Variants in FGF13 observed in about 807,000 individuals in gnomAD.
FGF13 encodes fibroblast growth factor 13.
Under a neutral mutation model 19.5 loss-of-function variants are expected in FGF13, and 2 were observed. That is an observed-to-expected ratio of 0.10 (90% CI 0.04 to 0.32). The LOEUF (loss-of-function observed/expected upper bound fraction) is 0.32, where lower values mean the gene tolerates loss of function less well. Ranked by LOEUF, FGF13 falls within the 10% of genes least tolerant of loss-of-function variation. FGF13 has a pLI of 1.00. For synonymous variants in FGF13, 72 were observed against 76.9 expected (o/e 0.94, Z 0.33); for missense variants, 113 against 192.7 (o/e 0.59, Z 2.45).
intron 3 of FGF13, among the ~76,000 whole-genome samples, chrX:138,775,133 A>G (rs764036435): frequency 1.9e-3 from 207 of 111,343 alleles, no homozygotes; most frequent in African/African-American, 6.5e-3. Context: ...TTATTTTTGT[A>G]TTTTTTATAG....
At chrX:138,841,677 T>C (rs1047295113) in intron 3 of FGF13, among the ~76,000 whole-genome samples, 1 of 111,127 alleles carries the variant, frequency 9.0e-6, no homozygotes, top group Non-Finnish European at 1.9e-5. Flanking sequence ...TTTGAAAAAA[T>C]AAATCAAAAT....
chrX:139,035,094 C>T (rs16993529), intron 1 of FGF13, among the ~76,000 whole-genome samples: 18,051 of 110,768 alleles, frequency 0.16, 1,291 homozygotes, highest in African/African-American at 0.28. Flanking sequence ...TATTGCCTCA[C>T]TTCAAAATCA....
At chrX:138,826,787 C>T (rs747163720) in intron 3 of FGF13, among the ~76,000 whole-genome samples, 1 of 112,500 alleles carries the variant, frequency 8.9e-6, no homozygotes, top group South Asian at 3.6e-4. Context: ...TCCCATTTAC[C>T]TCTTTATAAA....
chrX:138,915,776 A>C, intron 1 of FGF13, among the ~76,000 whole-genome samples: 1 of 111,825 alleles, frequency 8.9e-6, no homozygotes, highest in Middle Eastern at 4.6e-3. Context: ...AAACTACTTA[A>C]ACCTCTCCAT....
chrX:139,108,018 T>G (rs775936108), intron 1 of FGF13, among the ~76,000 whole-genome samples: 3 of 111,036 alleles, frequency 2.7e-5, no homozygotes, highest in African/African-American at 9.8e-5. Context: ...GAAGACCAAA[T>G]GAGATGATGG....
chrX:138,913,687 AG>A (rs2091603227), intron 1 of FGF13, among the ~76,000 whole-genome samples: 7 of 105,091 alleles, frequency 6.7e-5, no homozygotes, highest in African/African-American at 2.5e-4. Flanking sequence ...GAAGGAAGGA[AG>A]GAAGGAAGGA....
At chrX:138,851,289 G>A (rs909994527) in intron 3 of FGF13, among the ~76,000 whole-genome samples, 2 of 111,479 alleles carry the variant, frequency 1.8e-5, no homozygotes, top group Non-Finnish European at 3.8e-5. Flanking sequence ...GGTATTTCTG[G>A]TTCTAGGTCT....
chrX:139,014,011 T>C (rs952310852), intron 1 of FGF13, among the ~76,000 whole-genome samples: 1 of 111,138 alleles, frequency 9.0e-6, no homozygotes, highest in Non-Finnish European at 1.9e-5. Context: ...GAATGACCAG[T>C]AGGTTAATGA....
At chrX:138,744,145 A>C (rs1158043008), upstream of FGF13, among the ~76,000 whole-genome samples, 1 of 111,591 alleles carries the variant, frequency 9.0e-6, no homozygotes, top group Non-Finnish European at 1.9e-5. Flanking sequence ...CATTCCTGTC[A>C]ACCACTATGT....
chrX:138,869,338 G>A (rs1392494292), intron 1 of FGF13, among the ~76,000 whole-genome samples: 1 of 112,342 alleles, frequency 8.9e-6, no homozygotes, highest in Non-Finnish European at 1.9e-5. Context: ...GTATGTGTAT[G>A]ACATTTTGGC....
intron 1 of FGF13, among the ~76,000 whole-genome samples, chrX:139,090,628 C>G (rs776184839): frequency 2.6e-3 from 289 of 110,598 alleles, no homozygotes; most frequent in Non-Finnish European, 4.0e-3. Flanking sequence ...CCAGTGTGTG[C>G]TGTTAAACGT....
chrX:138,831,675 T>C (rs946019432), intron 3 of FGF13, among the ~76,000 whole-genome samples: 3 of 111,718 alleles, frequency 2.7e-5, no homozygotes, highest in Non-Finnish European at 5.6e-5. Flanking sequence ...CCATTTCTTT[T>C]TTTTTTTAAC....
chrX:138,729,302 T>C (rs973077272), intron 1 of FGF13, among the ~76,000 whole-genome samples: 5 of 111,052 alleles, frequency 4.5e-5, no homozygotes, highest in Non-Finnish European at 9.5e-5. Flanking sequence ...ATAAATGTAT[T>C]ATTTACATAT....
intron 1 of FGF13, among the ~76,000 whole-genome samples, chrX:139,158,120 C>G (rs5976291): frequency 0.12 from 13,168 of 111,278 alleles, 1,302 homozygotes; most frequent in African/African-American, 0.33. Flanking sequence ...CACAGACTAG[C>G]AGATTCTCTC....
intron 3 of FGF13, among the ~76,000 whole-genome samples, chrX:138,675,793 CT>C (rs991750116): frequency 9.1e-6 from 1 of 109,861 alleles, no homozygotes; most frequent in African/African-American, 3.3e-5. Flanking sequence ...CATTCTTCTG[CT>C]TTTTTTTTCT....
chrX:138,906,333 T>C (rs1360113660), intron 1 of FGF13, among the ~76,000 whole-genome samples: 1 of 112,231 alleles, frequency 8.9e-6, no homozygotes, highest in Non-Finnish European at 1.9e-5. Flanking sequence ...CTCTTGTCAT[T>C]TTTATTGGCA....
intron 3 of FGF13, among the ~76,000 whole-genome samples, chrX:138,771,756 G>A (rs974207968): frequency 1.8e-5 from 2 of 109,727 alleles, no homozygotes; most frequent in African/African-American, 3.3e-5. Flanking sequence ...AGAAAAAAAA[G>A]GAGGAAACTC....
intron 1 of FGF13, among the ~76,000 whole-genome samples, chrX:138,962,495 G>A (rs961187319): frequency 2.7e-5 from 3 of 112,122 alleles, no homozygotes; most frequent in African/African-American, 9.7e-5. Flanking sequence ...CCATTACTGG[G>A]TATATATCCA....
chrX:139,192,665 G>A (rs1430265186), intron 1 of FGF13, among the ~76,000 whole-genome samples: 1 of 111,516 alleles, frequency 9.0e-6, no homozygotes, highest in East Asian at 2.8e-4. Context: ...AATTCTCATG[G>A]TCGGGGGTAT....
Sources: allele counts gnomAD v4.1 joint callset (sites outside exome capture counted in the v4.1 genomes callset), GRCh38; gene constraint gnomAD v4.1.1; transcripts MANE v1.5; gene names NCBI Gene and HGNC (gene_info 2026-07-23, HGNC 2026-07-21).